Variants in PLXNC1 observed in about 807,000 individuals in gnomAD.
The protein encoded by PLXNC1 is plexin C1, also known as plexin-C1.
In PLXNC1, 75 loss-of-function variants were observed where a neutral mutation model predicts 178.2. The observed-to-expected ratio is 0.42, with a 90% CI of 0.35 to 0.51. The LOEUF (loss-of-function observed/expected upper bound fraction) is 0.51. Ranked by LOEUF, PLXNC1 falls within the 20% of genes least tolerant of loss-of-function variation. The pLI is 0.02. For missense variants in PLXNC1, 1,503 were observed against 1,984.4 expected (o/e 0.76, Z 4.61); for synonymous variants, 790 against 779.9 (o/e 1.01, Z -0.22).
Position 94,305,864 on chromosome 12 carries a change from T to C in PLXNC1, c.*579T>C, listed in dbSNP as rs947552368. 3 of 152,168 alleles carry C rather than the reference T, an allele frequency of 2.0e-5. No individual in the cohort carries two copies. The highest frequency in any genetic ancestry group is 2.9e-5 in the Non-Finnish European group (2 of 68,044). 9.4% of individuals were successfully genotyped at this position (152,168 alleles called of 1,614,324 possible). A position where few individuals can be genotyped will look rare whatever the true frequency, so the allele number is the denominator to read the frequency against. On this transcript the variant is annotated 3_prime_UTR_variant, in exon 31 of 31. Coordinates refer to ENST00000258526, the MANE Select transcript of PLXNC1 (RefSeq NM_005761.3). ...GTGTGTTTAAACCAAAAACTAACAG[T>C]GTTGCAACATTGTTGAAAGGGCTCG...
rs1964280713 is a variant in PLXNC1 at position 94,237,744 on chromosome 12, T to C, written c.2061T>C (p.Phe687=). The change falls in exon 10 of 31, where the codon TTT becomes TTC. Residue 687 remains phenylalanine (F), a synonymous_variant. Transcript: ENST00000258526. ...ACGTGATAGTAACGGGAGCAAACTT[T>C]ACCCGGGCATCGAACATCACAATGA... ...KSNVIVTGAN[F]TRASNITMIL... is the part of the protein sequence containing the mutation. 6.2e-7 allele frequency: 1 copy of C among 1,613,938 alleles called. No individual in the cohort carries two copies. Among genetic ancestry groups the C allele is most frequent in the African/African-American group, 1.3e-5 (1 of 74,918 alleles).
chr12:94,245,932 A>T (rs375089748), intron 12 of PLXNC1, among the ~76,000 whole-genome samples: 1 of 152,244 alleles, frequency 6.6e-6, no homozygotes, highest in South Asian at 2.1e-4. Context: ...AGGTCTAGGT[A>T]CACTGGACTC....
At chr12:94,172,717 A>G (rs1287613034) in intron 2 of PLXNC1, among the ~76,000 whole-genome samples, 2 of 152,196 alleles carry the variant, frequency 1.3e-5, no homozygotes, top group Non-Finnish European at 2.9e-5. Flanking sequence ...TTAAATAACT[A>G]TATCATATTC....
intron 21 of PLXNC1, chr12:94,278,155 CA>C (rs1480823577): frequency 7.8e-6 from 3 of 386,560 alleles, no homozygotes; most frequent in South Asian, 5.5e-5. Flanking sequence ...CCAAAAAAAA[CA>C]AAACAAAATT....
At position 94,149,345 on chromosome 12, in the gene PLXNC1, C is replaced by T; in HGVS notation, c.374C>T (p.Thr125Ile). The change falls in exon 1 of 31, where the codon ACC becomes ATC. Residue 125 changes from threonine to isoleucine, a missense_variant. Thr to Ile is a moderately conservative substitution (Grantham distance 89, BLOSUM62 -1). This residue lies in a region of PLXNC1 where 73 missense variants were observed against 125.4 expected (regional missense o/e 0.58). Transcript: ENST00000258526. ...GCCGGCCTCGGGGGGCTGCTGCTCA[C>T]CGGCTGGACCTTCGACCGGGGCGCC... Reference protein sequence around the residue: ...GAAGLGGLLLTGWTFDRGACE... With the variant: ...GAAGLGGLLLIGWTFDRGACE... 1 of 1,435,350 alleles carries T rather than the reference C, an allele frequency of 7.0e-7. No individual in the cohort carries two copies. The highest frequency in any genetic ancestry group is 1.5e-5 in the South Asian group (1 of 68,728). 88.9% of individuals were successfully genotyped at this position (1,435,350 alleles called of 1,614,324 possible).
At chr12:94,248,675 C>A (rs1460649563) in intron 14 of PLXNC1, among the ~76,000 whole-genome samples, 1 of 152,182 alleles carries the variant, frequency 6.6e-6, no homozygotes, top group Non-Finnish European at 1.5e-5. Context: ...TTTGTTCTAG[C>A]CACACATTTA....
intron 7 of PLXNC1, 62 bp downstream of exon 7, chr12:94,224,377 C>A: frequency 2.1e-6 from 2 of 951,654 alleles, no homozygotes; most frequent in Non-Finnish European, 3.4e-6. Flanking sequence ...ATTTGTTTGA[C>A]TCCTCGATTT....
At chr12:94,155,629 G>T (rs551490047) in intron 1 of PLXNC1, among the ~76,000 whole-genome samples, 1 of 152,132 alleles carries the variant, frequency 6.6e-6, no homozygotes, top group Non-Finnish European at 1.5e-5. Context: ...GCCCTTTAAA[G>T]ACTTGCCATT....
At chr12:94,267,873 C>T (rs1289736909) in intron 21 of PLXNC1, among the ~76,000 whole-genome samples, 3 of 152,178 alleles carry the variant, frequency 2.0e-5, no homozygotes, top group South Asian at 2.1e-4. Context: ...CCCCACCTAC[C>T]CCTCCCAAGC....
intron 5 of PLXNC1, among the ~76,000 whole-genome samples, chr12:94,212,040 C>T (rs1051440209): frequency 1.3e-5 from 2 of 151,854 alleles, no homozygotes; most frequent in East Asian, 3.9e-4. Flanking sequence ...GTTGGGAGGC[C>T]GAGGCGGGCG....
intron 23 of PLXNC1, among the ~76,000 whole-genome samples, chr12:94,291,812 G>A (rs956940124): frequency 6.6e-6 from 1 of 152,064 alleles, no homozygotes; most frequent in Non-Finnish European, 1.5e-5. Context: ...TTGCTACAAG[G>A]GTATACTGCA....
At chr12:94,239,361 CA>C (rs145037583) in intron 10 of PLXNC1, among the ~76,000 whole-genome samples, 2,381 of 152,272 alleles carry the variant, frequency 0.016, 27 homozygotes, top group Non-Finnish European at 0.023. Flanking sequence ...AATTTATAAA[CA>C]AGTTTGAATT....
chr12:94,220,167 T>C lies in PLXNC1; in HGVS notation c.1702+4T>C, dbSNP rs375484405. The C allele has an allele frequency of 2.5e-5, 41 of 1,611,674 alleles. No individual in the cohort carries two copies. In the African/African-American group the frequency reaches 4.8e-4, roughly 19 times the overall value. ...CCAACCAGAGCAACCTACAAAGGTA[T>C]GTGGATTCTTCTGGGTTATTTTTGT... is the stretch of plus-strand genomic sequence containing the variant. On this transcript the variant is annotated splice_donor_region_variant and intron_variant, in intron 6 of 30. Coordinates refer to ENST00000258526, the MANE Select transcript of PLXNC1 (RefSeq NM_005761.3).
chr12:94,278,060 C>A (rs750038233), intron 21 of PLXNC1: 1 of 456,026 alleles, frequency 2.2e-6, no homozygotes, highest in Admixed American at 2.3e-5. Context: ...TTGGAGCCCC[C>A]CCTCCCTCTG....
intron 21 of PLXNC1, among the ~76,000 whole-genome samples, chr12:94,274,158 A>ACT (rs1965769433): frequency 1.2e-5 from 1 of 82,512 alleles, no homozygotes; most frequent in Non-Finnish European, 2.9e-5. Flanking sequence ...CTGTCTCTAA[A>ACT]AAAAAAAAAA....
chr12:94,215,675 G>T (rs1445722056), intron 5 of PLXNC1, among the ~76,000 whole-genome samples: 2 of 151,824 alleles, frequency 1.3e-5, no homozygotes, highest in Non-Finnish European at 2.9e-5. Flanking sequence ...AGAAATAGAT[G>T]TAAAAATTTT....
At chr12:94,152,922 A>G (rs1303906287) in intron 1 of PLXNC1, among the ~76,000 whole-genome samples, 1 of 152,132 alleles carries the variant, frequency 6.6e-6, no homozygotes, top group Non-Finnish European at 1.5e-5. Context: ...TACACACTGG[A>G]CCATTACTTT....
chr12:94,224,449 G>A (rs1963884590), intron 7 of PLXNC1, 134 bp downstream of exon 7: 2 of 658,838 alleles, frequency 3.0e-6, no homozygotes, highest in Non-Finnish European at 5.5e-6. Flanking sequence ...TGGTGTAATG[G>A]GAGATAGGAG....
chr12:94,231,180 A>G (rs1964088307), intron 9 of PLXNC1, among the ~76,000 whole-genome samples: 1 of 152,132 alleles, frequency 6.6e-6, no homozygotes, highest in Non-Finnish European at 1.5e-5. Context: ...TAAGTCTTTG[A>G]TTGATGGATG....
Sources: allele counts gnomAD v4.1 joint callset (sites outside exome capture counted in the v4.1 genomes callset), GRCh38; gene constraint gnomAD v4.1.1; regional missense constraint gnomAD v4.1.1; transcripts MANE v1.5; gene names NCBI Gene and HGNC (gene_info 2026-07-23, HGNC 2026-07-21).